Variants in CACNA2D1 observed in about 807,000 individuals in gnomAD.
The protein encoded by CACNA2D1 is calcium voltage-gated channel auxiliary subunit alpha2delta 1.
CACNA2D1 carries 53 observed loss-of-function variants against 171.5 expected under a neutral mutation model. The ratio of observed to expected loss-of-function variants is 0.31; its 90% CI spans 0.25 to 0.39. The LOEUF (loss-of-function observed/expected upper bound fraction) is 0.39, where lower values mean the gene tolerates loss of function less well. Ranked by LOEUF, CACNA2D1 falls within the 10% of genes least tolerant of loss-of-function variation. The pLI is 1.00. For synonymous variants in CACNA2D1, 442 were observed against 443.1 expected (o/e 1.00, Z 0.03); for missense variants, 903 against 1,299.8 (o/e 0.69, Z 4.69).
At chr7:82,281,674 C>T (rs1262018274) in intron 3 of CACNA2D1, among the ~76,000 whole-genome samples, 2 of 151,810 alleles carry the variant, frequency 1.3e-5, no homozygotes, top group African/African-American at 4.8e-5. Context: ...AAGCATATAG[C>T]GGGATATGAT....
At chr7:82,001,449 T>A (rs1402687802) in intron 18 of CACNA2D1, among the ~76,000 whole-genome samples, 2 of 152,326 alleles carry the variant, frequency 1.3e-5, no homozygotes, top group East Asian at 3.9e-4. Flanking sequence ...GACTTTGCAA[T>A]CTTTGGTTAG....
intron 36 of CACNA2D1, among the ~76,000 whole-genome samples, chr7:81,960,156 G>A (rs1183374460): frequency 6.6e-6 from 1 of 151,976 alleles, no homozygotes; most frequent in Non-Finnish European, 1.5e-5. Context: ...ACAAAGAATT[G>A]TGATGCTTAT....
chr7:82,399,552 T>C (rs1192234748), intron 1 of CACNA2D1, among the ~76,000 whole-genome samples: 1 of 152,178 alleles, frequency 6.6e-6, no homozygotes, highest in Non-Finnish European at 1.5e-5. Context: ...AAAACAATGA[T>C]GAAACATCGT....
chr7:82,428,017 C>T (rs942753066), intron 1 of CACNA2D1, among the ~76,000 whole-genome samples: 9 of 151,730 alleles, frequency 5.9e-5, no homozygotes, highest in African/African-American at 2.2e-4. Context: ...AGTGAGATAC[C>T]AAGACTCCGT....
Position 82,187,017 on chromosome 7 carries a change from T to A in CACNA2D1, c.295-16408A>T, listed in dbSNP as rs116042835. Among the ~76,000 whole-genome samples the A allele has an allele frequency of 3.2e-3, 489 of 152,334 alleles. 4 individuals are homozygous for A. The highest frequency in any genetic ancestry group is 0.011 in the African/African-American group (464 of 41,568). ...ACTCTAGATCTCTAAACTTCTTTTT[T>A]CCTTCCATAATGCTTGATCCATTTT... On this transcript the variant is annotated intron_variant, in intron 3 of 38. Transcript: ENST00000356860.
chr7:82,322,150 A>T (rs1327400386), intron 3 of CACNA2D1, among the ~76,000 whole-genome samples: 1 of 149,276 alleles, frequency 6.7e-6, no homozygotes, highest in Non-Finnish European at 1.5e-5. Context: ...AAAAAAAAAA[A>T]AAAACAAGCT....
At position 82,117,829 on chromosome 7, in the gene CACNA2D1, A is replaced by G. The variant is rs148209057; in HGVS notation, c.397-656T>C. Among the ~76,000 whole-genome samples, 502 of 152,274 alleles carry G rather than the reference A, an allele frequency of 3.3e-3. 6 individuals are homozygous for G. Among genetic ancestry groups the G allele is most frequent in the South Asian group, 0.028 (136 of 4,826 alleles). Reference sequence around the variant, plus strand: ...CAGACAAATAAAATAATAAGAAACTAGAGAGGTGCCTTTAAATACAACCTA... The same window carrying G: ...CAGACAAATAAAATAATAAGAAACTGGAGAGGTGCCTTTAAATACAACCTA... On this transcript the variant is annotated intron_variant, in intron 5 of 38. Transcript: ENST00000356860.
At chr7:82,197,067 G>A (rs1296224760) in intron 3 of CACNA2D1, among the ~76,000 whole-genome samples, 1 of 151,830 alleles carries the variant, frequency 6.6e-6, no homozygotes, top group Non-Finnish European at 1.5e-5. Flanking sequence ...GCTAGTTTAA[G>A]CATGTTGCTA....
intron 4 of CACNA2D1, among the ~76,000 whole-genome samples, chr7:82,145,271 T>TA (rs915031401): frequency 6.9e-6 from 1 of 144,466 alleles, no homozygotes; most frequent in African/African-American, 2.5e-5. Flanking sequence ...ATAAAATATA[T>TA]AAAATAAAAT....
intron 36 of CACNA2D1, among the ~76,000 whole-genome samples, chr7:81,960,776 T>C (rs1794014572): frequency 6.6e-6 from 1 of 151,662 alleles, no homozygotes; most frequent in South Asian, 2.1e-4. Flanking sequence ...AAAAGGCCAA[T>C]GTCTGTGAAA....
intron 10 of CACNA2D1, among the ~76,000 whole-genome samples, chr7:82,060,191 TATATATATATTATATATATAA>T (rs1806572958): frequency 7.7e-5 from 1 of 12,970 alleles, no homozygotes; most frequent in Non-Finnish European, 1.4e-4. Flanking sequence ...ATATATATAT[TATATATATATTATATATATAA>T]TATATATATA....
At chr7:82,412,435 A>G (rs1366664297) in intron 1 of CACNA2D1, among the ~76,000 whole-genome samples, 1 of 151,944 alleles carries the variant, frequency 6.6e-6, no homozygotes, top group Non-Finnish European at 1.5e-5. Flanking sequence ...GGCACGGGCC[A>G]CTAGCCCATC....
At position 81,974,525 on chromosome 7, in the gene CACNA2D1, C is replaced by A; in HGVS notation, c.1983G>T (p.Ser661=). Reference sequence around the variant, plus strand: ...TTAAAAGAAATTCAGTGTTATTATCCGATATTTTCAGGTCATTGCAGTAAT... The same window carrying A: ...TTAAAAGAAATTCAGTGTTATTATCAGATATTTTCAGGTCATTGCAGTAAT... ...PRDYCNDLKI[S]DNNTEFLLNF... The change falls in exon 25 of 39, where the codon TCG becomes TCT. Residue 661 remains serine (S), a synonymous_variant. Transcript: ENST00000356860. 6.4e-7 allele frequency: 1 copy of A among 1,564,228 alleles called. No homozygotes were observed.
intron 1 of CACNA2D1, among the ~76,000 whole-genome samples, chr7:82,368,713 C>T (rs12673202): frequency 0.15 from 22,498 of 152,068 alleles, 1,812 homozygotes; most frequent in South Asian, 0.27. Flanking sequence ...ATACCTACAG[C>T]CTAACATATT....
rs189377250 is a variant in CACNA2D1, at chr7:82,240,349, T to C, written c.295-69740A>G. ...ATCTATGTTATATCCCTTCATCTTC[T>C]CCATTCTGCCATCATAGATAAGCTC... On this transcript the variant is annotated intron_variant, in intron 3 of 38. Transcript: ENST00000356860. Among the ~76,000 whole-genome samples the C allele has an allele frequency of 4.2e-3, 638 of 152,278 alleles. 17 individuals are homozygous for C. Among genetic ancestry groups the C allele is most frequent in the Admixed American group, 0.038 (577 of 15,296 alleles).
At chr7:82,204,818 G>A (rs926754887) in intron 3 of CACNA2D1, among the ~76,000 whole-genome samples, 1 of 152,272 alleles carries the variant, frequency 6.6e-6, no homozygotes, top group East Asian at 1.9e-4. Context: ...CTTGGCCTAG[G>A]GGGTGGAGTG....
chr7:82,265,686 T>A (rs1807754146), intron 3 of CACNA2D1, among the ~76,000 whole-genome samples: 1 of 152,146 alleles, frequency 6.6e-6, no homozygotes, highest in Admixed American at 6.5e-5. Context: ...ATTATTTAGC[T>A]GTCTCGAAGA....
intron 3 of CACNA2D1, among the ~76,000 whole-genome samples, chr7:82,196,715 A>G (rs1798887969): frequency 6.6e-6 from 1 of 151,980 alleles, no homozygotes. Context: ...TGAACAAAAT[A>G]GACTCCGATT....
intron 11 of CACNA2D1, 64 bp downstream of exon 11, chr7:82,038,013 A>C (rs1346063851): frequency 6.7e-7 from 1 of 1,486,370 alleles, no homozygotes; most frequent in African/African-American, 1.4e-5. Flanking sequence ...AACTATCAGA[A>C]TATTGAAATT....
Sources: gnomAD v4.1 joint callset for allele counts (sites outside exome capture counted in the v4.1 genomes callset) on GRCh38, gnomAD v4.1.1 for gene constraint, MANE v1.5 for transcripts, NCBI Gene and HGNC (gene_info 2026-07-23, HGNC 2026-07-21) for gene names.